KCNAB1: variants seen among roughly 807,000 people sequenced by gnomAD.
KCNAB1 encodes potassium voltage-gated channel subfamily A regulatory beta subunit 1, also known as voltage-gated potassium channel subunit beta-1.
KCNAB1 carries 35 observed loss-of-function variants against 64.6 expected under a neutral mutation model. That is an observed-to-expected ratio of 0.54 (90% CI 0.41 to 0.72). The LOEUF (loss-of-function observed/expected upper bound fraction) is 0.72. KCNAB1 is among the 30% of genes least tolerant of loss of function. KCNAB1 has a pLI of 0.00. For synonymous variants in KCNAB1, 177 were observed against 183.8 expected (o/e 0.96, Z 0.30); for missense variants, 401 against 512.9 (o/e 0.78, Z 2.11).
chr3:156,457,421 C>T (rs770369900), intron 3 of KCNAB1, 32 bp from the exon 4 acceptor site: 1 of 1,613,084 alleles, frequency 6.2e-7, no homozygotes, highest in Non-Finnish European at 8.5e-7. Flanking sequence ...AAGCATTTGG[C>T]TTTTCTGAGT....
At position 156,496,276 on chromosome 3, in the gene KCNAB1, T is replaced by C. The variant is rs542830133; in HGVS notation, c.659-18088T>C. Reference sequence around the variant, plus strand: ...GTCCCCACCCAAATCTCATCTTGAATTGTAGCTCCCATAATCCCCACGTGT... The same window carrying C: ...GTCCCCACCCAAATCTCATCTTGAACTGTAGCTCCCATAATCCCCACGTGT... On this transcript the variant is annotated intron_variant, in intron 8 of 13. Transcript: ENST00000490337. Among the ~76,000 whole-genome samples the C allele has an allele frequency of 2.0e-5, 3 of 152,320 alleles. No individual in the cohort carries two copies. In the East Asian group the frequency reaches 5.8e-4, roughly 29 times the overall value.
Position 156,452,812 on chromosome 3 carries a change from G to A in KCNAB1, c.320-87G>A. On this transcript the variant is annotated intron_variant, in intron 2 of 13. Transcript: ENST00000490337. The surrounding 1 kb of genome is among the most constrained non-coding windows in gnomAD (Gnocchi z 4.6). ...GTGAACTACCCATACAACCTATTGAGGTAGTCCCAAAGTAAGAATTTCCCT... is the reference window on the plus strand; with the variant it reads ...GTGAACTACCCATACAACCTATTGAAGTAGTCCCAAAGTAAGAATTTCCCT... 1 of 955,186 alleles carries A rather than the reference G, an allele frequency of 1.0e-6. No homozygotes were observed. The highest frequency in any genetic ancestry group is 1.6e-6 in the Non-Finnish European group (1 of 613,952). The allele number at this position is 955,186 out of a possible 1,614,324, so 59.2% of individuals were successfully genotyped here.
At chr3:156,267,118 C>T (rs555669024) in intron 1 of KCNAB1, among the ~76,000 whole-genome samples, 13 of 152,170 alleles carry the variant, frequency 8.5e-5, no homozygotes, top group African/African-American at 2.4e-4. Context: ...GATAATATTT[C>T]GGTATATAGT....
intron 8 of KCNAB1, among the ~76,000 whole-genome samples, chr3:156,499,966 A>G (rs1475653577): frequency 1.3e-5 from 2 of 152,110 alleles, no homozygotes; most frequent in African/African-American, 2.4e-5. Context: ...CAGGTGCCCA[A>G]ATTTTCATAT....
intron 1 of KCNAB1, among the ~76,000 whole-genome samples, chr3:156,144,478 T>C (rs1714924234): frequency 6.6e-6 from 1 of 152,198 alleles, no homozygotes; most frequent in Admixed American, 6.5e-5. Flanking sequence ...AGAAAAGAAA[T>C]GAACTCTTCT....
chr3:156,212,191 GGC>G (rs1715050167), intron 1 of KCNAB1, among the ~76,000 whole-genome samples: 1 of 152,124 alleles, frequency 6.6e-6, no homozygotes, highest in South Asian at 2.1e-4. Flanking sequence ...AAAGAACAGA[GGC>G]TGTGTGCAGA....
At chr3:156,215,707 A>G (rs1715273462) in intron 1 of KCNAB1, 1 of 152,308 alleles carries the variant, frequency 6.6e-6, no homozygotes, top group Admixed American at 6.5e-5. Context: ...TGTTCAGGGA[A>G]CATCCACCAC....
chr3:156,209,416 T>G (rs1284557648), intron 1 of KCNAB1, among the ~76,000 whole-genome samples: 1 of 152,238 alleles, frequency 6.6e-6, no homozygotes, highest in African/African-American at 2.4e-5. Context: ...GGCTCCTGCC[T>G]ATGTACAATG....
chr3:156,342,760 G>A (rs1235556672), intron 1 of KCNAB1, among the ~76,000 whole-genome samples: 2 of 151,954 alleles, frequency 1.3e-5, no homozygotes, highest in Non-Finnish European at 2.9e-5. Flanking sequence ...AGCTCCCTAT[G>A]TGTTTCTAAT....
intron 1 of KCNAB1, among the ~76,000 whole-genome samples, chr3:156,208,387 G>T (rs139159397): frequency 6.6e-6 from 1 of 152,288 alleles, no homozygotes; most frequent in East Asian, 1.9e-4. Flanking sequence ...TCTCAGCTTG[G>T]CTTTCTCTGA....
At position 156,283,571 on chromosome 3, in the gene KCNAB1, G is replaced by A. The variant is rs1247912580; in HGVS notation, c.276-138045G>A. Among the ~76,000 whole-genome samples the A allele has an allele frequency of 9.4e-4, 143 of 151,588 alleles. 1 individual carries two copies. In the Middle Eastern group the frequency reaches 0.014, roughly 14 times the overall value. Reference sequence around the variant, plus strand: ...TATCCTGCAGAGTGTTTTCCAAGTTGGTTCCATTCTCCCCATCACTTTCAG... The same window carrying A: ...TATCCTGCAGAGTGTTTTCCAAGTTAGTTCCATTCTCCCCATCACTTTCAG... On this transcript the variant is annotated intron_variant, in intron 1 of 13. Coordinates refer to ENST00000490337, the MANE Select transcript of KCNAB1 (RefSeq NM_172160.3).
chr3:156,423,586 A>G (rs1715609601), intron 2 of KCNAB1, among the ~76,000 whole-genome samples: 2 of 152,264 alleles, frequency 1.3e-5, no homozygotes, highest in South Asian at 4.1e-4. Flanking sequence ...CAGTGACAAG[A>G]TAGCATTAAG....
At chr3:156,222,273 G>T (rs1252194109) in intron 1 of KCNAB1, among the ~76,000 whole-genome samples, 1 of 152,172 alleles carries the variant, frequency 6.6e-6, no homozygotes. Flanking sequence ...GTGAGCAGAA[G>T]TAGCTATTCT....
At chr3:156,334,447 T>A in intron 1 of KCNAB1, among the ~76,000 whole-genome samples, 1 of 143,036 alleles carries the variant, frequency 7.0e-6, no homozygotes, top group East Asian at 2.0e-4. Context: ...TGCAGAATGC[T>A]CTTGAGTCAT....
intron 1 of KCNAB1, among the ~76,000 whole-genome samples, chr3:156,192,788 ATAT>A (rs1200493149): frequency 6.6e-6 from 1 of 152,060 alleles, no homozygotes; most frequent in African/African-American, 2.4e-5. Context: ...GCTTTTTCTA[ATAT>A]TATTATAGCT....
At chr3:156,214,479 T>C (rs760069087) in intron 1 of KCNAB1, among the ~76,000 whole-genome samples, 5 of 152,082 alleles carry the variant, frequency 3.3e-5, no homozygotes, top group Non-Finnish European at 4.4e-5. Flanking sequence ...GAGTAGAGAA[T>C]ACTGAGTGTT....
At chr3:156,143,038 TAA>T in intron 1 of KCNAB1, 1 of 1,362,964 alleles carries the variant, frequency 7.3e-7, no homozygotes, top group Non-Finnish European at 9.4e-7. Flanking sequence ...ACAAAAATGA[TAA>T]GAGAGATCTA....
At chr3:156,451,137 A>G (rs565865479) in intron 2 of KCNAB1, among the ~76,000 whole-genome samples, 136 of 152,342 alleles carry the variant, frequency 8.9e-4, no homozygotes, top group African/African-American at 3.1e-3. Context: ...CTGGAAATCA[A>G]AACATTTCAA....
At chr3:156,401,770 A>G (rs190670905) in intron 1 of KCNAB1, among the ~76,000 whole-genome samples, 194 of 152,312 alleles carry the variant, frequency 1.3e-3, no homozygotes, top group African/African-American at 4.5e-3. Flanking sequence ...AAATTTAAAG[A>G]TCATTCTAGA....
Sources: allele counts gnomAD v4.1 joint callset (sites outside exome capture counted in the v4.1 genomes callset), GRCh38; gene constraint gnomAD v4.1.1; non-coding constraint Gnocchi (gnomAD v3.1); transcripts MANE v1.5; gene names NCBI Gene and HGNC (gene_info 2026-07-23, HGNC 2026-07-21).